The following NR2F1-AS1 variants were observed in gnomAD, a reference collection of about 807,000 sequenced individuals.
NR2F1-AS1 encodes NR2F1 regulatory antisense RNA 1.
intron 4 of NR2F1-AS1, among the ~76,000 whole-genome samples, chr5:93,490,608 CAGT>C (rs1162973941): frequency 1.0e-4 from 10 of 97,380 alleles, no homozygotes; most frequent in Non-Finnish European, 2.0e-4. Context: ...GTGGCGGTGG[CAGT>C]GGTGGTGGTG....
intron 4 of NR2F1-AS1, among the ~76,000 whole-genome samples, chr5:93,496,613 G>A (rs1750965196): frequency 1.3e-5 from 2 of 152,186 alleles, no homozygotes; most frequent in Admixed American, 1.3e-4. Context: ...TTGTTCATGA[G>A]TTGAAAACAA....
At chr5:93,489,850 C>A (rs1383016839) in intron 4 of NR2F1-AS1, among the ~76,000 whole-genome samples, 3 of 152,122 alleles carry the variant, frequency 2.0e-5, no homozygotes, top group African/African-American at 4.8e-5. Context: ...ATATACAATT[C>A]TTAAAATGAT....
intron 4 of NR2F1-AS1, among the ~76,000 whole-genome samples, chr5:93,475,519 G>C (rs1377691968): frequency 1.3e-5 from 2 of 152,102 alleles, no homozygotes; most frequent in Non-Finnish European, 2.9e-5. Context: ...TTACAGTACA[G>C]CACACCCTAG....
intron 4 of NR2F1-AS1, among the ~76,000 whole-genome samples, chr5:93,421,800 G>A (rs1749094758): frequency 6.6e-6 from 1 of 152,090 alleles, no homozygotes; most frequent in Admixed American, 6.6e-5. Flanking sequence ...GAGATTAGTG[G>A]GCAGCAATGA....
At chr5:93,474,574 G>C (rs1176463851) in intron 4 of NR2F1-AS1, among the ~76,000 whole-genome samples, 2 of 152,182 alleles carry the variant, frequency 1.3e-5, no homozygotes, top group East Asian at 3.9e-4. Context: ...AGTGCCTGGT[G>C]AGGGCCTGCT....
chr5:93,526,717 A>G (rs1751625438), intron 4 of NR2F1-AS1, among the ~76,000 whole-genome samples: 1 of 152,204 alleles, frequency 6.6e-6, no homozygotes, highest in Non-Finnish European at 1.5e-5. Flanking sequence ...AACGTAATAC[A>G]TCACATAAAC....
intron 3 of NR2F1-AS1, among the ~76,000 whole-genome samples, chr5:93,554,185 G>A (rs1752297040): frequency 6.6e-6 from 1 of 152,134 alleles, no homozygotes; most frequent in African/African-American, 2.4e-5. Context: ...TAATGATGAT[G>A]CTCAAAACAT....
chr5:93,549,558 A>AT (rs1253746307), intron 4 of NR2F1-AS1, among the ~76,000 whole-genome samples: 1 of 151,992 alleles, frequency 6.6e-6, no homozygotes, highest in Non-Finnish European at 1.5e-5. Context: ...CTCATATACA[A>AT]TTTTTTTAAT....
chr5:93,449,570 AAC>A (rs1429996627), intron 4 of NR2F1-AS1, among the ~76,000 whole-genome samples: 3 of 152,220 alleles, frequency 2.0e-5, no homozygotes, highest in African/African-American at 7.2e-5. Context: ...CTTTAGAGAT[AAC>A]AAAGTATTAT....
At chr5:93,518,399 C>A (rs1297607892) in intron 4 of NR2F1-AS1, among the ~76,000 whole-genome samples, 1 of 152,012 alleles carries the variant, frequency 6.6e-6, no homozygotes, top group East Asian at 1.9e-4. Context: ...TGGAACCTTA[C>A]AGTTTCAACG....
At chr5:93,520,223 T>C (rs1191390059) in intron 4 of NR2F1-AS1, among the ~76,000 whole-genome samples, 1 of 152,106 alleles carries the variant, frequency 6.6e-6, no homozygotes, top group Non-Finnish European at 1.5e-5. Context: ...ATAGTCAGGA[T>C]TAGTTGTTTA....
At chr5:93,556,873 T>G (rs995796455) in intron 2 of NR2F1-AS1, among the ~76,000 whole-genome samples, 7 of 152,224 alleles carry the variant, frequency 4.6e-5, no homozygotes, top group Non-Finnish European at 1.0e-4. Context: ...TTTGTGGTAT[T>G]TTGTTATAGC....
chr5:93,550,020 C>T (rs1372943181), intron 4 of NR2F1-AS1, among the ~76,000 whole-genome samples: 3 of 151,756 alleles, frequency 2.0e-5, no homozygotes, highest in Non-Finnish European at 4.4e-5. Context: ...ATGTAAATGA[C>T]TGGTTAATGG....
chr5:93,548,321 G>A (rs190655606), intron 4 of NR2F1-AS1, among the ~76,000 whole-genome samples: 1 of 152,126 alleles, frequency 6.6e-6, no homozygotes, highest in Non-Finnish European at 1.5e-5. Context: ...GCTTTCCCCT[G>A]CTCTTCTTTC....
At chr5:93,468,046 G>C (rs879046887) in intron 4 of NR2F1-AS1, among the ~76,000 whole-genome samples, 1 of 152,154 alleles carries the variant, frequency 6.6e-6, no homozygotes, top group East Asian at 1.9e-4. Flanking sequence ...TCTTAATCCA[G>C]TCTATCATTG....
At chr5:93,547,293 A>C (rs959463826) in intron 4 of NR2F1-AS1, among the ~76,000 whole-genome samples, 1 of 152,238 alleles carries the variant, frequency 6.6e-6, no homozygotes, top group African/African-American at 2.4e-5. Flanking sequence ...AGTAGAATGT[A>C]CTAAATGCTA....
chr5:93,577,156 G>C lies in NR2F1-AS1; in HGVS notation n.313+3311C>G, dbSNP rs142503275. On this transcript the variant is annotated intron_variant and non_coding_transcript_variant, in intron 1 of 5. Transcript: ENST00000660523. ...TTGCTCTCCTGCCGTCCTTCCTCCT[G>C]CTGCTTCTCCTGGGCCCTCTAACTG... Among the ~76,000 whole-genome samples the C allele has an allele frequency of 2.1e-3, 323 of 152,342 alleles. 2 individuals carry two copies. Among genetic ancestry groups the C allele is most frequent in the African/African-American group, 7.0e-3 (291 of 41,578 alleles).
chr5:93,533,569 T>C (rs905777473), intron 4 of NR2F1-AS1, among the ~76,000 whole-genome samples: 1 of 152,082 alleles, frequency 6.6e-6, no homozygotes, highest in African/African-American at 2.4e-5. Context: ...AAATAATGGA[T>C]TTTAATTTAG....
chr5:93,455,556 G>C (rs1206725681), intron 4 of NR2F1-AS1, among the ~76,000 whole-genome samples: 2 of 152,072 alleles, frequency 1.3e-5, no homozygotes, highest in African/African-American at 2.4e-5. Flanking sequence ...AAAAGGAATA[G>C]AGAAACTTAC....
Sources: gnomAD v4.1 joint callset for allele counts (sites outside exome capture counted in the v4.1 genomes callset) on GRCh38, gnomAD v4.1.1 for gene constraint, MANE v1.5 for transcripts, NCBI Gene and HGNC (gene_info 2026-07-23, HGNC 2026-07-21) for gene names.